MKX: variants seen among roughly 807,000 people sequenced by gnomAD.
The protein encoded by MKX is homeobox protein Mohawk.
A neutral mutation model predicts 36.0 loss-of-function variants in MKX; 13 were observed. The ratio of observed to expected loss-of-function variants is 0.36; its 90% CI spans 0.24 to 0.57. The LOEUF is 0.57. MKX is among the 20% of genes least tolerant of loss of function. The pLI is 0.79. For synonymous variants in MKX, 176 were observed against 178.3 expected, an observed-to-expected ratio of 0.99 and a Z score of 0.10; for missense variants, 458 against 456.4, an observed-to-expected ratio of 1.00 and a Z score of -0.03.
intron 5 of MKX, among the ~76,000 whole-genome samples, chr10:27,715,020 C>A (rs1836939247): frequency 6.6e-6 from 1 of 152,182 alleles, no homozygotes; most frequent in Non-Finnish European, 1.5e-5. Context: ...CCACTCAGAT[C>A]TTTAGGCCAT....
intron 3 of MKX, among the ~76,000 whole-genome samples, chr10:27,737,226 A>G (rs545597629): frequency 6.7e-4 from 102 of 152,238 alleles, no homozygotes; most frequent in African/African-American, 2.4e-3. Flanking sequence ...TCATCCGACT[A>G]CTTTATCCAG....
chr10:27,745,302 A>T (rs964743446), intron 1 of MKX: 7 of 152,356 alleles, frequency 4.6e-5, no homozygotes, highest in African/African-American at 1.7e-4. Flanking sequence ...GAGGCAAGCG[A>T]TGGCAAAGGT....
At chr10:27,685,702 C>T (rs1009873518) in intron 5 of MKX, among the ~76,000 whole-genome samples, 1 of 152,168 alleles carries the variant, frequency 6.6e-6, no homozygotes, top group African/African-American at 2.4e-5. Flanking sequence ...CACCCGCCTC[C>T]GCCTCTCAAA....
In MKX at chr10:27,741,605, A is replaced by AAGGCAGGAATGCGCAGT; in HGVS notation, c.189-102_189-101insACTGCGCATTCCTGCCT. ...CCCGGGCCCCGCATCCAAACTGCGC[A>AAGGCAGGAATGCGCAGT]TTCCTGCCTTGCGCCCCTGCTTTGC... On this transcript the variant is annotated intron_variant, in intron 2 of 6. Transcript: ENST00000419761. This position sits in a 1 kb window ranked among gnomAD's most constrained non-coding sequence, Gnocchi z 5.1. 7.3e-7 allele frequency: 1 copy of AAGGCAGGAATGCGCAGT among 1,361,252 alleles called. No homozygotes were observed. The highest frequency in any genetic ancestry group is 9.7e-7 in the Non-Finnish European group (1 of 1,027,770). 84.3% of individuals were successfully genotyped at this position (1,361,252 alleles called of 1,614,324 possible). A position where few individuals can be genotyped will look rare whatever the true frequency, so the allele number is the denominator to read the frequency against.
At chr10:27,694,682 G>A (rs1181263039) in intron 5 of MKX, among the ~76,000 whole-genome samples, 3 of 114,232 alleles carry the variant, frequency 2.6e-5, no homozygotes, top group Non-Finnish European at 3.7e-5. Flanking sequence ...GCGACAGAGC[G>A]AGACTCTGTC....
intron 5 of MKX, among the ~76,000 whole-genome samples, chr10:27,696,694 C>G (rs987626118): frequency 6.6e-6 from 1 of 151,742 alleles, no homozygotes; most frequent in Non-Finnish European, 1.5e-5. Context: ...AAGGCTAATT[C>G]CAAAATTATG....
chr10:27,718,686 C>T, intron 5 of MKX: 1 of 305,612 alleles, frequency 3.3e-6, no homozygotes, highest in Middle Eastern at 4.0e-4. Flanking sequence ...AGTCACATTT[C>T]AAAAGTACAG....
chr10:27,701,827 GTATATATA>G (rs10609979), intron 5 of MKX, among the ~76,000 whole-genome samples: 111,373 of 145,384 alleles, frequency 0.77, 42,816 homozygotes, highest in Admixed American at 0.83. Flanking sequence ...GTGTGTGTGT[GTATATATA>G]TATATATATA....
chr10:27,726,034 C>A (rs2132623630), intron 5 of MKX, among the ~76,000 whole-genome samples: 1 of 152,232 alleles, frequency 6.6e-6, no homozygotes, highest in South Asian at 2.1e-4. Flanking sequence ...TGAACAAGCA[C>A]TTCTGTGAAG....
intron 5 of MKX, among the ~76,000 whole-genome samples, chr10:27,721,770 C>A (rs1444728464): frequency 6.6e-6 from 1 of 152,008 alleles, no homozygotes; most frequent in Non-Finnish European, 1.5e-5. Flanking sequence ...GCACATGTAT[C>A]CCAGAACTTA....
intron 5 of MKX, among the ~76,000 whole-genome samples, chr10:27,717,766 T>A (rs1437703397): frequency 6.6e-6 from 1 of 152,258 alleles, no homozygotes; most frequent in African/African-American, 2.4e-5. Flanking sequence ...AGTGATAACA[T>A]GTAAAACTCG....
At chr10:27,730,859 G>T (rs1161473003) in intron 5 of MKX, among the ~76,000 whole-genome samples, 3 of 151,886 alleles carry the variant, frequency 2.0e-5, no homozygotes, top group Non-Finnish European at 4.4e-5. Context: ...TGGCAGCCGG[G>T]CGCGGTGGCT....
chr10:27,727,924 A>C (rs1834527657), intron 5 of MKX, among the ~76,000 whole-genome samples: 2 of 152,254 alleles, frequency 1.3e-5, no homozygotes, highest in Admixed American at 6.5e-5. Context: ...TATTTTTTAA[A>C]TTGGTCCTTA....
intron 5 of MKX, among the ~76,000 whole-genome samples, chr10:27,684,355 C>T (rs1169367156): frequency 6.6e-6 from 1 of 151,960 alleles, no homozygotes; most frequent in Non-Finnish European, 1.5e-5. Context: ...CACACACACA[C>T]ACATATATAA....
intron 5 of MKX, among the ~76,000 whole-genome samples, chr10:27,726,156 A>G (rs1478528418): frequency 6.6e-6 from 1 of 152,214 alleles, no homozygotes; most frequent in Admixed American, 6.5e-5. Flanking sequence ...ATGCCAAAAT[A>G]CAGAGAATGC....
intron 5 of MKX, among the ~76,000 whole-genome samples, chr10:27,716,356 G>C (rs1250848869): frequency 6.7e-6 from 1 of 150,334 alleles, no homozygotes; most frequent in Non-Finnish European, 1.5e-5. Flanking sequence ...CCGGGAGGAT[G>C]AGGCTGCAGT....
intron 5 of MKX, among the ~76,000 whole-genome samples, chr10:27,694,332 T>C (rs182982437): frequency 1.3e-5 from 2 of 152,052 alleles, no homozygotes; most frequent in East Asian, 3.9e-4. Context: ...CATTTATCTA[T>C]ACTTTTTGGG....
At chr10:27,701,807 T>C (rs189458022) in intron 5 of MKX, among the ~76,000 whole-genome samples, 1 of 90,498 alleles carries the variant, frequency 1.1e-5, no homozygotes, top group Non-Finnish European at 2.1e-5. Context: ...AGTTTACAGT[T>C]ATTTTGTGTG....
intron 5 of MKX, among the ~76,000 whole-genome samples, chr10:27,682,212 G>A (rs1836266345): frequency 6.6e-6 from 1 of 152,102 alleles, no homozygotes; most frequent in East Asian, 1.9e-4. Context: ...TTATAGAATA[G>A]GATATAAAGA....
Sources: gnomAD v4.1 joint callset for allele counts (sites outside exome capture counted in the v4.1 genomes callset) on GRCh38, gnomAD v4.1.1 for gene constraint, Gnocchi (gnomAD v3.1) non-coding constraint, MANE v1.5 for transcripts, NCBI Gene and HGNC (gene_info 2026-07-23, HGNC 2026-07-21) for gene names.